The following TRPC6 variants were observed in gnomAD, a reference collection of about 807,000 sequenced individuals.
The protein encoded by TRPC6 is short transient receptor potential channel 6.
TRPC6 carries 55 observed loss-of-function variants against 90.7 expected under a neutral mutation model. The ratio of observed to expected loss-of-function variants is 0.61; its 90% CI spans 0.49 to 0.76. The LOEUF (loss-of-function observed/expected upper bound fraction) is 0.76. TRPC6 is among the 30% of genes least tolerant of loss of function. TRPC6 has a pLI of 0.00. For missense variants in TRPC6, 989 were observed against 1,122.7 expected, an observed-to-expected ratio of 0.88 and a Z score of 1.70; for synonymous variants, 393 against 393.0, an observed-to-expected ratio of 1.00 and a Z score of 0.00.
chr11:101,465,422 A>ACTAAT (rs1321739654), intron 10 of TRPC6, among the ~76,000 whole-genome samples: 10 of 152,290 alleles, frequency 6.6e-5, no homozygotes, highest in African/African-American at 2.4e-4. Flanking sequence ...CTTCTGGTAC[A>ACTAAT]CTAATCTAAT....
chr11:101,515,811 C>A (rs1860504322), intron 1 of TRPC6, among the ~76,000 whole-genome samples: 1 of 151,894 alleles, frequency 6.6e-6, no homozygotes. Flanking sequence ...ATATATTTAG[C>A]CCTGTTTCTC....
chr11:101,529,511 C>G (rs895031909), intron 1 of TRPC6, among the ~76,000 whole-genome samples: 2 of 152,174 alleles, frequency 1.3e-5, no homozygotes, highest in Non-Finnish European at 2.9e-5. Context: ...TGTTTTAATG[C>G]AGAATCATCT....
chr11:101,514,407 T>C (rs911065005), intron 1 of TRPC6, among the ~76,000 whole-genome samples: 1 of 152,182 alleles, frequency 6.6e-6, no homozygotes, highest in Non-Finnish European at 1.5e-5. Flanking sequence ...TCTGAGGACA[T>C]GTCACTTAGC....
chr11:101,520,840 G>T (rs770224211), intron 1 of TRPC6, among the ~76,000 whole-genome samples: 2 of 152,140 alleles, frequency 1.3e-5, no homozygotes, highest in Non-Finnish European at 2.9e-5. Flanking sequence ...TTGACCTTCA[G>T]AGTGATGGAT....
chr11:101,570,429 A>G (rs1207353208), intron 1 of TRPC6, among the ~76,000 whole-genome samples: 1 of 152,212 alleles, frequency 6.6e-6, no homozygotes, highest in East Asian at 1.9e-4. Context: ...TTTACAGCCA[A>G]ATTCTACCAG....
intron 7 of TRPC6, among the ~76,000 whole-genome samples, chr11:101,473,102 GGAGT>G (rs553481387): frequency 2.0e-3 from 310 of 152,200 alleles, no homozygotes; most frequent in African/African-American, 7.3e-3. Context: ...AGCATCCCCA[GGAGT>G]GAGTCCCCTG....
intron 1 of TRPC6, among the ~76,000 whole-genome samples, chr11:101,520,673 C>A (rs1860638200): frequency 6.6e-6 from 1 of 152,102 alleles, no homozygotes; most frequent in African/African-American, 2.4e-5. Flanking sequence ...TTGTTGTGAC[C>A]AAAATGCTGA....
chr11:101,535,396 AT>A (rs10709017), intron 1 of TRPC6, among the ~76,000 whole-genome samples: 71,913 of 124,214 alleles, frequency 0.58, 17,730 homozygotes, highest in Non-Finnish European at 0.67. Context: ...TCTTATTATT[AT>A]TTTTTTTTTT....
chr11:101,471,229 A>T lies in TRPC6; in HGVS notation c.2363T>A (p.Phe788Tyr). 1 of 1,613,954 alleles carries T rather than the reference A, an allele frequency of 6.2e-7. No homozygotes were observed. The highest frequency in any genetic ancestry group is 8.5e-7 in the Non-Finnish European group (1 of 1,179,866). Reference protein sequence around the residue: ...LKLKKWISELFQGHKKGFQED... With the variant: ...LKLKKWISELYQGHKKGFQED... ...CTGGAAACCTTTTTTATGGCCCTGG[A>T]ACAGCTCAGAAATCCATTTTTTAAG... The change falls in exon 9 of 13, where the codon TTC becomes TAC. Residue 788 changes from phenylalanine (F) to tyrosine (Y), a missense_variant. Coordinates refer to ENST00000344327, the MANE Select transcript of TRPC6 (RefSeq NM_004621.6).
At chr11:101,558,942 C>T (rs1591136931) in intron 1 of TRPC6, among the ~76,000 whole-genome samples, 1 of 152,184 alleles carries the variant, frequency 6.6e-6, no homozygotes, top group Non-Finnish European at 1.5e-5. Context: ...GGAGAAACTA[C>T]ACAACATTGA....
intron 1 of TRPC6, among the ~76,000 whole-genome samples, chr11:101,515,072 T>C (rs955365987): frequency 5.9e-5 from 9 of 152,190 alleles, no homozygotes; most frequent in South Asian, 2.1e-4. Flanking sequence ...TACTATGAAA[T>C]TGGTGATTTG....
chr11:101,572,055 A>G (rs1331525917), intron 1 of TRPC6, among the ~76,000 whole-genome samples: 1 of 152,240 alleles, frequency 6.6e-6, no homozygotes, highest in Non-Finnish European at 1.5e-5. Context: ...CTGCACAGCA[A>G]AAGAAACTAT....
At chr11:101,561,645 C>T (rs1861716339) in intron 1 of TRPC6, among the ~76,000 whole-genome samples, 1 of 151,872 alleles carries the variant, frequency 6.6e-6, no homozygotes, top group Non-Finnish European at 1.5e-5. Flanking sequence ...AAGCCTTATT[C>T]CTCTCTCTTC....
At chr11:101,469,285 T>A in intron 10 of TRPC6, 142 bp downstream of exon 10, 1 of 636,002 alleles carries the variant, frequency 1.6e-6, no homozygotes, top group Non-Finnish European at 2.8e-6. Flanking sequence ...AATAACAGAA[T>A]TGTTGAGATT....
chr11:101,493,285 G>GT (rs1859871663), intron 2 of TRPC6, among the ~76,000 whole-genome samples: 1 of 152,100 alleles, frequency 6.6e-6, no homozygotes, highest in African/African-American at 2.4e-5. Flanking sequence ...ATCTCATAAT[G>GT]TTTTTAGAAA....
At chr11:101,530,249 C>T (rs1246820599) in intron 1 of TRPC6, among the ~76,000 whole-genome samples, 1 of 152,116 alleles carries the variant, frequency 6.6e-6, no homozygotes, top group African/African-American at 2.4e-5. Context: ...AGTCTGAATG[C>T]AGTCCTGCCC....
At chr11:101,468,974 G>A (rs2136664518) in intron 10 of TRPC6, among the ~76,000 whole-genome samples, 1 of 152,262 alleles carries the variant, frequency 6.6e-6, no homozygotes, top group African/African-American at 2.4e-5. Flanking sequence ...GATCTCTAGA[G>A]TACATTGTTC....
At chr11:101,550,299 A>G (rs1348136598) in intron 1 of TRPC6, among the ~76,000 whole-genome samples, 1 of 151,648 alleles carries the variant, frequency 6.6e-6, no homozygotes, top group Non-Finnish European at 1.5e-5. Context: ...TACACATATG[A>G]AAACACAAGT....
In TRPC6 at chr11:101,583,573, G is replaced by C. The variant is rs1222161469; in HGVS notation, c.-70C>G. ...GAGTGGGCAGTTCCAGCGGGGACCC[G>C]GTGCGGAGGGTTCGCGTCAGCGGCC... On this transcript the variant is annotated 5_prime_UTR_variant, in exon 1 of 13. Coordinates refer to ENST00000344327, the MANE Select transcript of TRPC6 (RefSeq NM_004621.6). 2.2e-6 allele frequency: 3 copies of C among 1,390,884 alleles called. No homozygotes were observed. Among genetic ancestry groups the C allele is most frequent in the African/African-American group, 1.5e-5 (1 of 65,630 alleles). 86.2% of individuals were successfully genotyped at this position (1,390,884 alleles called of 1,614,324 possible). A position where few individuals can be genotyped will look rare whatever the true frequency, so the allele number is the denominator to read the frequency against.
Sources: allele counts gnomAD v4.1 joint callset (sites outside exome capture counted in the v4.1 genomes callset), GRCh38; gene constraint gnomAD v4.1.1; transcripts MANE v1.5; gene names NCBI Gene and HGNC (gene_info 2026-07-23, HGNC 2026-07-21).